SEZ6L: variants seen among roughly 807,000 people sequenced by gnomAD.
SEZ6L encodes seizure related 6 homolog like, also known as seizure 6-like protein.
Under a neutral mutation model 106.2 loss-of-function variants are expected in SEZ6L, and 37 were observed. The observed-to-expected ratio is 0.35, with a 90% CI of 0.27 to 0.46. The LOEUF is 0.46. SEZ6L is among the 20% of genes least tolerant of loss of function. The pLI is 1.00. For synonymous variants in SEZ6L, 541 were observed against 570.4 expected (o/e 0.95, Z 0.73); for missense variants, 1,172 against 1,332.8 (o/e 0.88, Z 1.88).
In SEZ6L at chr22:26,169,632, GC is replaced by G; in HGVS notation, c.-34del. ...TCCCCAGCTCCCTCGCCGTCCGCCC[GC>G]CCCACAGCCAGCGGCTCCGCGCCCC... On this transcript the variant is annotated 5_prime_UTR_variant, in exon 1 of 17. Transcript: ENST00000248933. 4 of 810,546 alleles carry G rather than the reference GC, an allele frequency of 4.9e-6. No individual in the cohort carries two copies. The highest frequency in any genetic ancestry group is 7.0e-6 in the Non-Finnish European group (4 of 575,320). 50.2% of individuals were successfully genotyped at this position (810,546 alleles called of 1,614,324 possible). A position where few individuals can be genotyped will look rare whatever the true frequency, so the allele number is the denominator to read the frequency against.
At chr22:26,334,147 T>A (rs1200259561) in intron 9 of SEZ6L, among the ~76,000 whole-genome samples, 1 of 152,214 alleles carries the variant, frequency 6.6e-6, no homozygotes, top group African/African-American at 2.4e-5. Flanking sequence ...ATTAGTCATT[T>A]TAACATATAC....
intron 9 of SEZ6L, among the ~76,000 whole-genome samples, chr22:26,322,312 C>T (rs1299773072): frequency 1.3e-5 from 2 of 152,118 alleles, no homozygotes; most frequent in East Asian, 1.9e-4. Context: ...GAGCACACAC[C>T]GTAGCCTCCA....
chr22:26,352,475 A>G (rs942366458), intron 12 of SEZ6L, among the ~76,000 whole-genome samples: 1 of 152,194 alleles, frequency 6.6e-6, no homozygotes, highest in African/African-American at 2.4e-5. Context: ...GTTGATTATA[A>G]ATTCCCCTAC....
At chr22:26,312,491 A>G (rs894839213) in intron 8 of SEZ6L, among the ~76,000 whole-genome samples, 1 of 152,198 alleles carries the variant, frequency 6.6e-6, no homozygotes, top group African/African-American at 2.4e-5. Flanking sequence ...TGGCAGGGAC[A>G]GGAATGGAAC....
chr22:26,290,768 C>T (rs930987693), intron 1 of SEZ6L, among the ~76,000 whole-genome samples: 6 of 152,208 alleles, frequency 3.9e-5, no homozygotes, highest in African/African-American at 1.2e-4. Flanking sequence ...CTTTATCCCC[C>T]GTACTCTCCA....
intron 1 of SEZ6L, 38 bp downstream of exon 1, chr22:26,169,801 GT>G: frequency 9.2e-7 from 1 of 1,087,516 alleles, no homozygotes; most frequent in Non-Finnish European, 1.2e-6. Context: ...AGGGGGCAAA[GT>G]TGCCGGGAGA....
At position 26,296,880 on chromosome 22, in the gene SEZ6L, G is replaced by A. The variant is rs369753998; in HGVS notation, c.970-8G>A. ...AGTTCCTCTCTGTCTGCTTCTGCCTGTTCCCAGGTGAAGAGTGTGAACCTG... is the reference window on the plus strand; with the variant it reads ...AGTTCCTCTCTGTCTGCTTCTGCCTATTCCCAGGTGAAGAGTGTGAACCTG... On this transcript the variant is annotated splice_polypyrimidine_tract_variant and splice_region_variant and intron_variant, in intron 3 of 16. Coordinates refer to ENST00000248933, the MANE Select transcript of SEZ6L (RefSeq NM_021115.5). 2.0e-5 allele frequency: 31 copies of A among 1,571,998 alleles called. No individual in the cohort carries two copies. Among genetic ancestry groups the A allele is most frequent in the Middle Eastern group, 1.7e-4 (1 of 5,914 alleles).
intron 1 of SEZ6L, among the ~76,000 whole-genome samples, chr22:26,224,629 G>A (rs1352543455): frequency 6.6e-6 from 1 of 152,194 alleles, no homozygotes; most frequent in African/African-American, 2.4e-5. Flanking sequence ...AGTCTACAGA[G>A]GTTTGACATA....
chr22:26,194,411 A>C (rs568142698), intron 1 of SEZ6L, among the ~76,000 whole-genome samples: 10 of 152,334 alleles, frequency 6.6e-5, no homozygotes, highest in African/African-American at 2.4e-4. Flanking sequence ...GAAGTTAAGA[A>C]GATGTAGATT....
At chr22:26,248,637 C>A (rs148506812) in intron 1 of SEZ6L, among the ~76,000 whole-genome samples, 199 of 152,372 alleles carry the variant, frequency 1.3e-3, no homozygotes, top group Non-Finnish European at 2.5e-3. Flanking sequence ...ACATACAATT[C>A]TGACTCTGAC....
At chr22:26,379,642 ACC>A (rs61114384) in intron 16 of SEZ6L, among the ~76,000 whole-genome samples, 1 of 152,030 alleles carries the variant, frequency 6.6e-6, no homozygotes, top group Non-Finnish European at 1.5e-5. Flanking sequence ...AAATCAAACT[ACC>A]CCCCATGTTG....
intron 9 of SEZ6L, among the ~76,000 whole-genome samples, chr22:26,323,779 T>A (rs2082222471): frequency 6.6e-6 from 1 of 151,910 alleles, no homozygotes; most frequent in Admixed American, 6.6e-5. Context: ...ATCTCATTGA[T>A]GATGATGATG....
chr22:26,192,120 C>A (rs543377245), intron 1 of SEZ6L, among the ~76,000 whole-genome samples: 1 of 152,274 alleles, frequency 6.6e-6, no homozygotes, highest in East Asian at 1.9e-4. Context: ...ATCCTTTCAT[C>A]CATTCATCTG....
In SEZ6L at chr22:26,304,363, AAGAAAGAAGAAAGAAAG is replaced by A. The variant is rs1380867021; in HGVS notation, c.1349-1614_1349-1598del. On this transcript the variant is annotated intron_variant, in intron 5 of 16. Transcript: ENST00000248933. ...CAAGAGTTTGTCTCAAAAAAAAAAA[AAGAAAGAAGAAAGAAAG>A]AAAGAAAGAAAGAAAGAAAGAAAGA... 1.5e-4 allele frequency among the ~76,000 whole-genome samples: 14 copies of A among 91,066 alleles called. 1 individual carries two copies. Among genetic ancestry groups the A allele is most frequent in the African/African-American group, 5.5e-4 (11 of 19,848 alleles). 59.7% of individuals were successfully genotyped at this position (91,066 alleles called of 152,430 possible). A position where few individuals can be genotyped will look rare whatever the true frequency, so the allele number is the denominator to read the frequency against.
intron 13 of SEZ6L, among the ~76,000 whole-genome samples, chr22:26,372,935 C>T (rs575719367): frequency 1.3e-5 from 2 of 152,294 alleles, no homozygotes; most frequent in South Asian, 4.1e-4. Context: ...GCAATTCATT[C>T]GTGCTTTGCC....
intron 1 of SEZ6L, among the ~76,000 whole-genome samples, chr22:26,246,272 T>C (rs1304637774): frequency 1.3e-5 from 2 of 152,214 alleles, no homozygotes; most frequent in Non-Finnish European, 2.9e-5. Flanking sequence ...TCTCCTGTTG[T>C]AGAAAGACAC....
chr22:26,230,824 G>A (rs1399933594), intron 1 of SEZ6L, among the ~76,000 whole-genome samples: 1 of 152,216 alleles, frequency 6.6e-6, no homozygotes, highest in Non-Finnish European at 1.5e-5. Context: ...GGAAGATTTT[G>A]ATATGTCTAG....
intron 1 of SEZ6L, among the ~76,000 whole-genome samples, chr22:26,220,892 A>AATGG (rs56187164): frequency 0.062 from 9,192 of 149,300 alleles, 551 homozygotes; most frequent in African/African-American, 0.15. Flanking sequence ...ATACTGTATG[A>AATGG]ATGGATGGAT....
intron 1 of SEZ6L, among the ~76,000 whole-genome samples, chr22:26,271,694 T>G (rs1368735943): frequency 6.6e-6 from 1 of 152,220 alleles, no homozygotes; most frequent in Non-Finnish European, 1.5e-5. Context: ...TCTTCTGCCG[T>G]GATTAAAAGC....
Sources: allele counts gnomAD v4.1 joint callset (sites outside exome capture counted in the v4.1 genomes callset), GRCh38; gene constraint gnomAD v4.1.1; transcripts MANE v1.5; gene names NCBI Gene and HGNC (gene_info 2026-07-23, HGNC 2026-07-21).